The following SPAG5 variants were observed in gnomAD, a reference collection of about 807,000 sequenced individuals.
The protein encoded by SPAG5 is sperm-associated antigen 5.
Under a neutral mutation model 145.4 loss-of-function variants are expected in SPAG5, and 99 were observed. The ratio of observed to expected loss-of-function variants is 0.68; its 90% confidence interval spans 0.58 to 0.80. The LOEUF (loss-of-function observed/expected upper bound fraction) is 0.80, where lower values mean the gene tolerates loss of function less well. Ranked by LOEUF, SPAG5 falls within the 30% of genes least tolerant of loss-of-function variation. The pLI is 0.00. For missense variants in SPAG5, 1,192 were observed against 1,416.0 expected (o/e 0.84, Z 2.54); for synonymous variants, 477 against 525.4 (o/e 0.91, Z 1.26).
At chr17:28,589,464 G>C (rs1451439346) in intron 4 of SPAG5, among the ~76,000 whole-genome samples, 1 of 152,062 alleles carries the variant, frequency 6.6e-6, no homozygotes, top group Non-Finnish European at 1.5e-5. Flanking sequence ...ACACCAAAAT[G>C]ATGAGATACC....
intron 2 of SPAG5, among the ~76,000 whole-genome samples, chr17:28,594,317 C>G (rs897348401): frequency 3.3e-5 from 5 of 152,116 alleles, no homozygotes; most frequent in Admixed American, 3.3e-4. Context: ...TCAAACAGAC[C>G]GGGCGCAGTG....
At chr17:28,593,232 GA>G (rs2070637012) in intron 2 of SPAG5, among the ~76,000 whole-genome samples, 166 bp from the exon 3 acceptor site, 1 of 152,206 alleles carries the variant, frequency 6.6e-6, no homozygotes, top group East Asian at 1.9e-4. Flanking sequence ...CAATAGTAGG[GA>G]AAGAAAAGCT....
intron 2 of SPAG5, among the ~76,000 whole-genome samples, chr17:28,597,350 G>A (rs141704128): frequency 2.3e-3 from 354 of 152,134 alleles, no homozygotes; most frequent in African/African-American, 6.3e-3. Context: ...CCCTGGAGGC[G>A]GAGATTGCAG....
At chr17:28,581,686 C>T (rs571898626) in intron 15 of SPAG5, among the ~76,000 whole-genome samples, 10 of 152,228 alleles carry the variant, frequency 6.6e-5, no homozygotes, top group African/African-American at 2.2e-4. Flanking sequence ...CTCTGCCCCC[C>T]GGTCTAGGTC....
chr17:28,591,091 G>A (rs1277076814), intron 4 of SPAG5, among the ~76,000 whole-genome samples: 2 of 151,940 alleles, frequency 1.3e-5, no homozygotes, highest in Admixed American at 1.3e-4. Flanking sequence ...AAATGTTTTA[G>A]GCTTATTCAT....
At position 28,599,004 on chromosome 17, in the gene SPAG5, C is replaced by A. The variant is rs1020562415; in HGVS notation, c.-58G>T. ...GACCAAGTCGAGGACGCCATGTTCA[C>A]CCGCCGTCTGTGTTTGAACCTGCTC... On this transcript the variant is annotated 5_prime_UTR_variant, in exon 1 of 24. Transcript: ENST00000321765. 6.4e-7 allele frequency: 1 copy of A among 1,555,606 alleles called. No individual in the cohort carries two copies. Among genetic ancestry groups the A allele is most frequent in the African/African-American group, 1.4e-5 (1 of 73,764 alleles).
chr17:28,583,836 A>G lies in SPAG5; in HGVS notation c.2546+17T>C, dbSNP rs767827457. On this transcript the variant is annotated intron_variant, in intron 14 of 23. Coordinates refer to ENST00000321765, the MANE Select transcript of SPAG5 (RefSeq NM_006461.4). ...AATAAGCACTTAGGGGGAAGTACAG[A>G]AAGTTAGAGAACTTACGTTAGGTTC... 25 of 1,598,362 alleles carry G rather than the reference A, an allele frequency of 1.6e-5. No homozygotes were observed. Among genetic ancestry groups the G allele is most frequent in the Middle Eastern group, 1.7e-4 (1 of 6,006 alleles).
At chr17:28,594,889 G>T (rs1223388063) in intron 2 of SPAG5, among the ~76,000 whole-genome samples, 1 of 151,720 alleles carries the variant, frequency 6.6e-6, no homozygotes, top group Non-Finnish European at 1.5e-5. Flanking sequence ...GAGCTCAGGA[G>T]TTCAAGGTTG....
rs2070521794 is a variant in SPAG5, at chr17:28,578,294, T to A, written c.3355-2A>T. On this transcript the variant is annotated splice_acceptor_variant, in intron 21 of 23. Transcript: ENST00000321765. LOFTEE classifies it high-confidence loss of function. ...GAACATCACTCTCAGTTTGTCCACC[T>A]AGAAATATGTCCAGATCAACAGGGG... 6.2e-7 allele frequency: 1 copy of A among 1,614,054 alleles called. No homozygotes were observed.
Position 28,585,116 on chromosome 17 carries a change from C to A in SPAG5, c.2053G>T (p.Glu685Ter), listed in dbSNP as rs774189787. Residue 685 changes from glutamate (E) to a stop codon, truncating the protein, a stop_gained, in exon 10 of 24, where the codon GAG becomes TAG. Coordinates refer to ENST00000321765, the MANE Select transcript of SPAG5 (RefSeq NM_006461.4). LOFTEE classifies it high-confidence loss of function. ...TTGGTTTGTACCTCCTGCTTTTCCT[C>A]AATTGCCACATCACGTTCCTGCAGG... ...QALQERDVAI[E>*]EKQEVSRVLE... 1 of 1,614,160 alleles carries A rather than the reference C, an allele frequency of 6.2e-7. No individual in the cohort carries two copies. The highest frequency in any genetic ancestry group is 8.5e-7 in the Non-Finnish European group (1 of 1,180,012).
Position 28,585,227 on chromosome 17 carries a change from A to G in SPAG5, c.1954-12T>C. The G allele has an allele frequency of 1.2e-6, 2 of 1,613,662 alleles. No individual in the cohort carries two copies. Among genetic ancestry groups the G allele is most frequent in the Non-Finnish European group, 1.7e-6 (2 of 1,179,542 alleles). ...GTCCATGTTGTATACTACCAGGGGA[A>G]GCAAGCAGGTCAGTAGAGCACACTT... is the stretch of plus-strand genomic sequence containing the variant. On this transcript the variant is annotated splice_polypyrimidine_tract_variant and intron_variant, in intron 9 of 23. Coordinates refer to ENST00000321765, the MANE Select transcript of SPAG5 (RefSeq NM_006461.4).
In SPAG5 at chr17:28,577,644, G is replaced by A; in HGVS notation, c.*55C>T. On this transcript the variant is annotated 3_prime_UTR_variant, in exon 24 of 24. Transcript: ENST00000321765. Reference sequence around the variant, plus strand: ...CTATGCCAGTTGGTCTTGGTATTGGGGTAAGGGGGTATTGCAGGTAAAAAG... The same window carrying A: ...CTATGCCAGTTGGTCTTGGTATTGGAGTAAGGGGGTATTGCAGGTAAAAAG... The A allele has an allele frequency of 1.6e-6, 2 of 1,226,478 alleles. No individual in the cohort carries two copies. Among genetic ancestry groups the A allele is most frequent in the East Asian group, 2.3e-5 (1 of 43,130 alleles). The allele number at this position is 1,226,478 out of a possible 1,614,324, so 76.0% of individuals were successfully genotyped here.
At chr17:28,584,855 C>A in intron 10 of SPAG5, 110 bp from the exon 11 acceptor site, 1 of 892,596 alleles carries the variant, frequency 1.1e-6, no homozygotes, top group South Asian at 1.4e-5. Flanking sequence ...TGCTCCTGGG[C>A]ATCAACATTG....
chr17:28,581,955 A>G (rs2070551661), intron 15 of SPAG5, among the ~76,000 whole-genome samples: 1 of 152,106 alleles, frequency 6.6e-6, no homozygotes, highest in African/African-American at 2.4e-5. Context: ...CCTCTTTCCT[A>G]GCAATCTAAG....
chr17:28,579,101 C>G, intron 19 of SPAG5, 40 bp downstream of exon 19: 1 of 1,528,494 alleles, frequency 6.5e-7, no homozygotes, highest in African/African-American at 1.4e-5. Context: ...GTAGAGCTGC[C>G]CCAGTTCTTC....
chr17:28,578,645 A>G lies in SPAG5; in HGVS notation c.3198+27T>C, dbSNP rs370582663. 1.2e-5 allele frequency: 19 copies of G among 1,610,620 alleles called. No individual in the cohort carries two copies. In the African/African-American group the frequency reaches 2.3e-4, roughly 19 times the overall value. The stretch of plus-strand genomic sequence containing the variant: ...TGGCTGACCAGTAACACAGAAGGCA[A>G]AGGCCTGGGCATGATGGTGAACATA... On this transcript the variant is annotated intron_variant, in intron 20 of 23. Transcript: ENST00000321765.
rs2070684039 is a variant in SPAG5 at position 28,598,451 on chromosome 17, C to T, written c.177+59G>A. 1.3e-6 allele frequency: 2 copies of T among 1,577,408 alleles called. 1 individual carries two copies. The highest frequency in any genetic ancestry group is 2.3e-5 in the South Asian group (2 of 87,036). Reference sequence around the variant, plus strand: ...TTATTGTAGCCCTGGCCCTCTGTTCCCCTGAGCTCTCACCCTGGGCAAACA... The same window carrying T: ...TTATTGTAGCCCTGGCCCTCTGTTCTCCTGAGCTCTCACCCTGGGCAAACA... On this transcript the variant is annotated intron_variant, in intron 2 of 23. Transcript: ENST00000321765.
At position 28,583,538 on chromosome 17, in the gene SPAG5, G is replaced by A; in HGVS notation, c.2658C>T (p.Leu886=). 3 of 1,608,386 alleles carry A rather than the reference G, an allele frequency of 1.9e-6. No homozygotes were observed. Among genetic ancestry groups the A allele is most frequent in the African/African-American group, 2.7e-5 (2 of 74,636 alleles). ...TCTCCTTTAGTTTTGTCTGTAGAAA[G>A]AGAGTCAGGCTCTGTAGTTGCTCAG... ...LLTEQLQSLT[L]FLQTKLKEKT... is the part of the protein sequence containing the mutation. The change falls in exon 15 of 24, where the codon CTC becomes CTT. Residue 886 remains leucine (L), a synonymous_variant. Transcript: ENST00000321765.
chr17:28,589,507 C>G (rs1597597329), intron 4 of SPAG5, among the ~76,000 whole-genome samples: 1 of 152,174 alleles, frequency 6.6e-6, no homozygotes, highest in African/African-American at 2.4e-5. Context: ...CAAGAAAAAG[C>G]TCTTCTTAGC....
Sources: gnomAD v4.1 joint callset for allele counts (sites outside exome capture counted in the v4.1 genomes callset) on GRCh38, gnomAD v4.1.1 for gene constraint, MANE v1.5 for transcripts, NCBI Gene and HGNC (gene_info 2026-07-23, HGNC 2026-07-21) for gene names.